The following DONSON variants were observed in gnomAD, a reference collection of about 807,000 sequenced individuals.
DONSON encodes protein downstream neighbor of Son.
In DONSON, 43 loss-of-function variants were observed where a neutral mutation model predicts 62.1. The observed-to-expected ratio is 0.69, with a 90% CI of 0.54 to 0.89. DONSON has a LOEUF of 0.89. DONSON is among the 40% of genes least tolerant of loss of function. DONSON has a pLI of 0.00. For missense variants in DONSON, 696 were observed against 697.5 expected, an observed-to-expected ratio of 1.00 and a Z score of 0.03; for synonymous variants, 266 against 264.6, an observed-to-expected ratio of 1.01 and a Z score of -0.05.
At chr21:33,586,291 T>C (rs1601317761) in intron 2 of DONSON, 110 bp from the exon 3 acceptor site, 1 of 877,872 alleles carries the variant, frequency 1.1e-6, no homozygotes. Flanking sequence ...ATATAAGCTG[T>C]ATAATAAATA....
At chr21:33,584,522 TATG>T (rs1326638731) in intron 4 of DONSON, 65 bp downstream of exon 4, 1 of 1,422,770 alleles carries the variant, frequency 7.0e-7, no homozygotes, top group Non-Finnish European at 9.4e-7. Flanking sequence ...CAGTCACAAA[TATG>T]ATAGAGAATG....
In DONSON at chr21:33,577,670, CACACACACACACACACACACACACACACA is replaced by C. The variant is rs2086444164; in HGVS notation, c.*608_*636del. 28 of 101,786 alleles carry C rather than the reference CACACACACACACACACACACACACACACA, an allele frequency of 2.8e-4. No homozygotes were observed. Among genetic ancestry groups the C allele is most frequent in the African/African-American group, 1.0e-3 (25 of 23,886 alleles). The allele number at this position is 101,786 out of a possible 1,614,324, so 6.3% of individuals were successfully genotyped here. A position where few individuals can be genotyped will look rare whatever the true frequency, so the allele number is the denominator to read the frequency against. On this transcript the variant is annotated 3_prime_UTR_variant, in exon 10 of 10. Transcript: ENST00000303071. ...ACACACACACACACACACACACACACACACACACACACACACACACACACACACACACCCCTATAAGCACATTAAATACT... is the reference window on the plus strand; with the variant it reads ...ACACACACACACACACACACACACACCACCCCTATAAGCACATTAAATACT...
In DONSON at chr21:33,578,179, T is replaced by G; in HGVS notation, c.*128A>C. On this transcript the variant is annotated 3_prime_UTR_variant, in exon 10 of 10. Transcript: ENST00000303071. Reference sequence around the variant, plus strand: ...AAAATAGTAAAACACATTTAAAACCTTAGATGCTACTGTAGTAAAAGTTAT... The same window carrying G: ...AAAATAGTAAAACACATTTAAAACCGTAGATGCTACTGTAGTAAAAGTTAT... 6 of 981,614 alleles carry G rather than the reference T, an allele frequency of 6.1e-6. No homozygotes were observed. Among genetic ancestry groups the G allele is most frequent in the Non-Finnish European group, 8.8e-6 (6 of 684,278 alleles). 60.8% of individuals were successfully genotyped at this position (981,614 alleles called of 1,614,324 possible). A position where few individuals can be genotyped will look rare whatever the true frequency, so the allele number is the denominator to read the frequency against.
intron 8 of DONSON, among the ~76,000 whole-genome samples, chr21:33,580,028 C>T (rs1314348324): frequency 6.6e-6 from 1 of 151,374 alleles, no homozygotes; most frequent in African/African-American, 2.4e-5. Flanking sequence ...AACCTCGTCT[C>T]TATTAAAAAT....
At chr21:33,587,300 C>T in intron 2 of DONSON, 1 of 943,922 alleles carries the variant, frequency 1.1e-6, no homozygotes, top group Non-Finnish European at 1.3e-6. Context: ...TATTTTAGCG[C>T]TGGCTATCTT....
At chr21:33,585,914 CA>C in intron 3 of DONSON, 63 bp downstream of exon 3, 2 of 1,501,640 alleles carry the variant, frequency 1.3e-6, no homozygotes, top group Non-Finnish European at 1.8e-6. Flanking sequence ...TGCTATTTTG[CA>C]AAGGAGAGCA....
chr21:33,577,701 A>ACCCC lies in DONSON; in HGVS notation c.*602_*605dup, dbSNP rs3221082. 2.3e-5 allele frequency: 3 copies of ACCCC among 132,906 alleles called. No individual in the cohort carries two copies. The highest frequency in any genetic ancestry group is 4.7e-5 in the Non-Finnish European group (3 of 63,516). 8.2% of individuals were successfully genotyped at this position (132,906 alleles called of 1,614,324 possible). ...CACACACACACACACACACACACAC[A>ACCCC]CCCCTATAAGCACATTAAATACTAC... On this transcript the variant is annotated 3_prime_UTR_variant, in exon 10 of 10. Transcript: ENST00000303071.
In DONSON at chr21:33,577,684, CACACACACACACACA is replaced by C. The variant is rs1569073224; in HGVS notation, c.*608_*622del. The C allele has an allele frequency of 9.9e-5, 11 of 110,864 alleles. No individual in the cohort carries two copies. The highest frequency in any genetic ancestry group is 3.8e-4 in the African/African-American group (9 of 23,892). The allele number at this position is 110,864 out of a possible 1,614,324, so 6.9% of individuals were successfully genotyped here. ...ACACACACACACACACACACACACA[CACACACACACACACA>C]CACCCCTATAAGCACATTAAATACT... On this transcript the variant is annotated 3_prime_UTR_variant, in exon 10 of 10. Coordinates refer to ENST00000303071, the MANE Select transcript of DONSON (RefSeq NM_017613.4).
rs752405565 is a variant in DONSON at position 33,581,466 on chromosome 21, TG to T, written c.1185del (p.His395GlnfsTer9). The T allele has an allele frequency of 5.0e-6, 8 of 1,613,920 alleles. No homozygotes were observed. Among genetic ancestry groups the T allele is most frequent in the Non-Finnish European group, 6.8e-6 (8 of 1,179,834 alleles). ...RKEKHEVQMD[H>X]RPESVVLVKG... Reference sequence around the variant, plus strand: ...TTTACCAACACAACAGATTCAGGTCTGTGATCCATTTGTACTTCATGTTTCT... The same window carrying T: ...TTTACCAACACAACAGATTCAGGTCTTGATCCATTTGTACTTCATGTTTCT... On this transcript the variant is annotated frameshift_variant, in exon 8 of 10. Transcript: ENST00000303071. LOFTEE classifies it high-confidence loss of function.
intron 2 of DONSON, chr21:33,587,312 A>G: frequency 1.0e-6 from 1 of 967,110 alleles, no homozygotes; most frequent in Non-Finnish European, 1.2e-6. Flanking sequence ...GGCTATCTTT[A>G]CAGTCATCAT....
chr21:33,583,477 T>TA lies in DONSON; in HGVS notation c.964+10dup, dbSNP rs769216480. ...TAGTATAGTATTCTCACTTTAAACC[T>TA]AAACTTTTACCTTCATTTCTCATAG... On this transcript the variant is annotated intron_variant, in intron 5 of 9. Coordinates refer to ENST00000303071, the MANE Select transcript of DONSON (RefSeq NM_017613.4). 1.9e-6 allele frequency: 3 copies of TA among 1,612,374 alleles called. No individual in the cohort carries two copies. The African/African-American group carries it at 4.0e-5, about 22-fold the overall frequency.
rs1010722195 is a variant in DONSON, at chr21:33,586,090, A to G, written c.494T>C (p.Phe165Ser). The G allele has an allele frequency of 1.1e-5, 18 of 1,614,052 alleles. No homozygotes were observed. The African/African-American group carries it at 2.3e-4, about 20-fold the overall frequency. ...CCAGGTAAAGGGTTGAGAAGAGGTGAAAAGGAGTCGCGTTTTAATACTCCA... is the reference window on the plus strand; with the variant it reads ...CCAGGTAAAGGGTTGAGAAGAGGTGGAAAGGAGTCGCGTTTTAATACTCCA... Reference protein sequence around the residue: ...VDWSIKTRLLFTSSQPFTWAD... With the variant: ...VDWSIKTRLLSTSSQPFTWAD... The change falls in exon 3 of 10, where the codon TTC (phenylalanine) becomes TCC (serine). Residue 165 changes from phenylalanine (F) to serine (S), a missense_variant. Physicochemically the swap from Phe to Ser is radical, Grantham distance 155. Coordinates refer to ENST00000303071, the MANE Select transcript of DONSON (RefSeq NM_017613.4).
At chr21:33,587,342 C>T in intron 2 of DONSON, 180 bp downstream of exon 2, 1 of 985,296 alleles carries the variant, frequency 1.0e-6, no homozygotes, top group South Asian at 4.7e-5. Flanking sequence ...AAACCAACTC[C>T]TTTACCTTGG....
At chr21:33,584,798 T>C in intron 3 of DONSON, 30 bp from the exon 4 acceptor site, 2 of 1,454,826 alleles carry the variant, frequency 1.4e-6, no homozygotes, top group Admixed American at 2.3e-5. Flanking sequence ...GTGGGCAGTT[T>C]TTGCCCATTG....
intron 1 of DONSON, among the ~76,000 whole-genome samples, chr21:33,587,859 C>T (rs867297944): frequency 1.3e-5 from 2 of 152,198 alleles, no homozygotes; most frequent in African/African-American, 2.4e-5. Flanking sequence ...CTAGTGAATT[C>T]TGACCCCACG....
chr21:33,587,207 G>T, intron 2 of DONSON: 1 of 278,340 alleles, frequency 3.6e-6, no homozygotes, highest in Non-Finnish European at 5.5e-6. Context: ...GGCTCTGAGT[G>T]ATGAACTGGA....
In DONSON at chr21:33,581,281, G is replaced by A. The variant is rs1338130288; in HGVS notation, c.1350+21C>T. The A allele has an allele frequency of 3.7e-6, 6 of 1,609,072 alleles. No individual in the cohort carries two copies. The African/African-American group carries it at 8.0e-5, about 22-fold the overall frequency. The stretch of plus-strand genomic sequence containing the variant: ...AAAGTAAAGTACTTCTTAAAAGCTA[G>A]GTTATGCAGACTTTTATTACCTTAA... On this transcript the variant is annotated intron_variant, in intron 8 of 9. Transcript: ENST00000303071.
chr21:33,579,746 C>T (rs1569074529), intron 8 of DONSON, 184 bp from the exon 9 acceptor site: 1 of 519,372 alleles, frequency 1.9e-6, no homozygotes, highest in South Asian at 3.6e-5. Flanking sequence ...TTTTCAGCAA[C>T]CTTTCCATAT....
intron 8 of DONSON, 39 bp from the exon 9 acceptor site, chr21:33,579,601 C>A (rs778770263): frequency 6.3e-7 from 1 of 1,575,888 alleles, no homozygotes; most frequent in South Asian, 1.1e-5. Context: ...TTAAGATCAT[C>A]TCTCAACCTT....
Sources: allele counts gnomAD v4.1 joint callset (sites outside exome capture counted in the v4.1 genomes callset), GRCh38; gene constraint gnomAD v4.1.1; transcripts MANE v1.5; gene names NCBI Gene and HGNC (gene_info 2026-07-23, HGNC 2026-07-21).